CNTN4: variants seen among roughly 807,000 people sequenced by gnomAD.
CNTN4 encodes the protein contactin-4.
In CNTN4, 77 loss-of-function variants were observed where a neutral mutation model predicts 122.5. That is an observed-to-expected ratio of 0.63 (90% CI 0.52 to 0.76). CNTN4 has a LOEUF of 0.76. Among genes scored for constraint, CNTN4 ranks in the 30% least tolerant of loss-of-function variants. The probability of loss-of-function intolerance (pLI) is 0.00; values close to 1 mark genes in which losing one functional copy is unlikely to be tolerated. For synonymous variants in CNTN4, 512 were observed against 447.0 expected, an observed-to-expected ratio of 1.15 and a Z score of -1.83; for missense variants, 1,256 against 1,259.1, an observed-to-expected ratio of 1.00 and a Z score of 0.04.
At chr3:2,752,396 C>T (rs566937912) in intron 6 of CNTN4, among the ~76,000 whole-genome samples, 8 of 152,234 alleles carry the variant, frequency 5.3e-5, no homozygotes, top group South Asian at 2.1e-4. Context: ...GGTGGAGTCT[C>T]GCTCTGTCAC....
rs201851554 is a variant in CNTN4, at chr3:2,902,933, G to A, written c.1135G>A (p.Ala379Thr). Residue 379 changes from alanine (A) to threonine (T), a missense_variant, in exon 12 of 25, where the codon GCT (alanine) becomes ACT (threonine). Ala to Thr is a moderately conservative substitution (Grantham distance 58). Coordinates refer to ENST00000418658, the MANE Select transcript of CNTN4 (RefSeq NM_175607.3). ...LNITIVNLSD[A>T]GMYQCLAENK... Reference sequence around the variant, plus strand: ...CATAACAATAGTGAACCTCTCAGATGCTGGCATGTATCAGTGTTTGGCAGA... The same window carrying A: ...CATAACAATAGTGAACCTCTCAGATACTGGCATGTATCAGTGTTTGGCAGA... 95 of 1,613,752 alleles carry A rather than the reference G, an allele frequency of 5.9e-5. No homozygotes were observed. The highest frequency in any genetic ancestry group is 1.5e-5 in the Non-Finnish European group (18 of 1,179,786).
intron 3 of CNTN4, among the ~76,000 whole-genome samples, chr3:2,549,668 T>C (rs1466270866): frequency 1.3e-5 from 2 of 152,086 alleles, no homozygotes; most frequent in African/African-American, 4.8e-5. Flanking sequence ...TTCTTTTTTG[T>C]GTTTGTCTCT....
intron 3 of CNTN4, among the ~76,000 whole-genome samples, chr3:2,392,660 T>G (rs913759049): frequency 6.6e-6 from 1 of 152,204 alleles, no homozygotes. Context: ...AAGTCCTCTT[T>G]TAGCTATCTT....
At chr3:2,246,321 A>G (rs143188994) in intron 2 of CNTN4, among the ~76,000 whole-genome samples, 162 of 152,182 alleles carry the variant, frequency 1.1e-3, no homozygotes, top group African/African-American at 3.6e-3. Context: ...CATCAAGGCA[A>G]TGGGCTAGCA....
intron 3 of CNTN4, among the ~76,000 whole-genome samples, chr3:2,470,770 G>A (rs965093731): frequency 2.0e-5 from 3 of 152,188 alleles, no homozygotes; most frequent in African/African-American, 7.2e-5. Context: ...TAGGAATATA[G>A]CATACTTAGA....
intron 3 of CNTN4, among the ~76,000 whole-genome samples, chr3:2,420,504 C>T (rs546415410): frequency 6.6e-6 from 1 of 151,890 alleles, no homozygotes; most frequent in South Asian, 2.1e-4. Flanking sequence ...GGCACAATCT[C>T]GGGTCACTGC....
At chr3:2,140,924 TTC>T (rs961948543) in intron 2 of CNTN4, among the ~76,000 whole-genome samples, 1 of 152,282 alleles carries the variant, frequency 6.6e-6, no homozygotes, top group Admixed American at 6.5e-5. Context: ...GTGTCAAGAG[TTC>T]CAGCTTCTTT....
chr3:2,344,605 C>T (rs2044333648), intron 3 of CNTN4, among the ~76,000 whole-genome samples: 1 of 152,038 alleles, frequency 6.6e-6, no homozygotes, highest in South Asian at 2.1e-4. Flanking sequence ...CATCAGGATT[C>T]ATGGTTTCAT....
chr3:2,707,753 C>G (rs1485239612), intron 4 of CNTN4, among the ~76,000 whole-genome samples: 2 of 152,080 alleles, frequency 1.3e-5, no homozygotes, highest in African/African-American at 2.4e-5. Context: ...AAGTGATCCT[C>G]CCCCTTTAGC....
At chr3:2,900,919 A>C in intron 11 of CNTN4, 98 bp downstream of exon 11, 10 of 1,424,478 alleles carry the variant, frequency 7.0e-6, no homozygotes, top group Non-Finnish European at 9.9e-6. Context: ...TGTTTCTAAA[A>C]TAATATGCAA....
intron 14 of CNTN4, chr3:2,999,163 C>T (rs917936860): frequency 1.3e-5 from 2 of 152,168 alleles, no homozygotes; most frequent in African/African-American, 4.8e-5. Flanking sequence ...ACTGTATACA[C>T]TGTTTGTAAC....
intron 7 of CNTN4, among the ~76,000 whole-genome samples, chr3:2,820,666 CA>C (rs933663188): frequency 2.8e-4 from 42 of 152,174 alleles, no homozygotes; most frequent in African/African-American, 9.9e-4. Flanking sequence ...AGCATAAACT[CA>C]AGTATGGTTG....
intron 4 of CNTN4, among the ~76,000 whole-genome samples, chr3:2,667,277 G>A (rs1347959866): frequency 6.6e-6 from 1 of 152,114 alleles, no homozygotes; most frequent in Non-Finnish European, 1.5e-5. Flanking sequence ...TTTAATGATT[G>A]CCATTCTAAC....
intron 23 of CNTN4, among the ~76,000 whole-genome samples, chr3:3,048,658 G>A (rs1223728865): frequency 5.9e-5 from 9 of 152,084 alleles, no homozygotes; most frequent in Non-Finnish European, 8.8e-5. Context: ...AATAAAAAGC[G>A]GATCTGATTG....
intron 3 of CNTN4, among the ~76,000 whole-genome samples, chr3:2,552,720 T>C (rs2078561933): frequency 6.6e-6 from 1 of 152,018 alleles, no homozygotes; most frequent in African/African-American, 2.4e-5. Context: ...AGGTATGGGG[T>C]GGAGAAAACT....
At chr3:2,455,910 C>G (rs1241085773) in intron 3 of CNTN4, among the ~76,000 whole-genome samples, 1 of 152,056 alleles carries the variant, frequency 6.6e-6, no homozygotes, top group Non-Finnish European at 1.5e-5. Context: ...TCTGTCAGTT[C>G]TCTCAAAATC....
At chr3:2,340,711 A>ATAT (rs2044171833) in intron 3 of CNTN4, among the ~76,000 whole-genome samples, 1 of 49,454 alleles carries the variant, frequency 2.0e-5, no homozygotes, top group African/African-American at 7.1e-5. Context: ...ATATATATAT[A>ATAT]GAGAGAGAGA....
At position 2,179,857 on chromosome 3, in the gene CNTN4, G is replaced by A. The variant is rs527342467; in HGVS notation, c.-145+79218G>A. ...ACCCACAAACAACAGCAAGAAATAG[G>A]TAAAATTAATATTAGTAATATATTT... On this transcript the variant is annotated intron_variant, in intron 2 of 24. Transcript: ENST00000418658. 4.6e-5 allele frequency among the ~76,000 whole-genome samples: 7 copies of A among 151,800 alleles called. No homozygotes were observed. The East Asian group carries it at 1.2e-3, about 25-fold the overall frequency.
chr3:2,328,438 C>A (rs1031452344), intron 2 of CNTN4, among the ~76,000 whole-genome samples: 1 of 152,144 alleles, frequency 6.6e-6, no homozygotes, highest in African/African-American at 2.4e-5. Context: ...ACAGTTTTCC[C>A]CAGGTCTTTA....
Sources: allele counts gnomAD v4.1 joint callset (sites outside exome capture counted in the v4.1 genomes callset), GRCh38; gene constraint gnomAD v4.1.1; transcripts MANE v1.5; gene names NCBI Gene and HGNC (gene_info 2026-07-23, HGNC 2026-07-21).